TRPM3: variants seen among roughly 807,000 people sequenced by gnomAD.
TRPM3 encodes long transient receptor potential channel 3.
Under a neutral mutation model 181.2 loss-of-function variants are expected in TRPM3, and 77 were observed. The observed-to-expected ratio is 0.42, with a 90% confidence interval of 0.35 to 0.51. The LOEUF is 0.51. Among genes scored for constraint, TRPM3 ranks in the 20% least tolerant of loss-of-function variants. The pLI is 0.01. For missense variants in TRPM3, 1,759 were observed against 2,196.7 expected (o/e 0.80, Z 3.98); for synonymous variants, 745 against 796.4 (o/e 0.94, Z 1.09).
intron 1 of TRPM3, among the ~76,000 whole-genome samples, chr9:71,252,819 T>C (rs1413067630): frequency 6.7e-6 from 1 of 148,662 alleles, no homozygotes; most frequent in African/African-American, 2.5e-5. Context: ...ACCACAGGCA[T>C]GCACACCTCG....
chr9:71,403,019 T>C (rs1031975041), intron 1 of TRPM3, among the ~76,000 whole-genome samples: 3 of 152,284 alleles, frequency 2.0e-5, no homozygotes, highest in South Asian at 2.1e-4. Flanking sequence ...ATGAAAGATA[T>C]AAATAATTTC....
rs147214703 is a variant in TRPM3 at position 71,343,157 on chromosome 9, A to G, written c.183+103496T>C. Among the ~76,000 whole-genome samples the G allele has an allele frequency of 8.2e-3, 1,250 of 152,130 alleles. 21 individuals are homozygous for G. The highest frequency in any genetic ancestry group is 0.028 in the African/African-American group (1,171 of 41,540). ...GGAATGGACCCATACTTCCTTTAGT[A>G]TATTTTTTAAGTATAATTTTGACCT... On this transcript the variant is annotated intron_variant, in intron 1 of 24. Transcript: ENST00000357533.
At chr9:70,846,286 T>C (rs1171262425) in intron 4 of TRPM3, 92 bp downstream of exon 4, 1 of 1,194,076 alleles carries the variant, frequency 8.4e-7, no homozygotes, top group Non-Finnish European at 1.2e-6. Context: ...TGAAGTGGGG[T>C]GATATAGAAA....
intron 1 of TRPM3, among the ~76,000 whole-genome samples, chr9:70,927,908 C>A (rs2096736996): frequency 6.6e-6 from 1 of 152,206 alleles, no homozygotes; most frequent in African/African-American, 2.4e-5. Flanking sequence ...TTTCTAATAA[C>A]ACCTATAGGC....
chr9:70,779,356 T>C (rs1418144930), intron 7 of TRPM3, among the ~76,000 whole-genome samples: 1 of 152,194 alleles, frequency 6.6e-6, no homozygotes, highest in Non-Finnish European at 1.5e-5. Context: ...TAAATACAGA[T>C]GATTATCTCT....
At chr9:70,761,412 A>G (rs1381447896) in intron 8 of TRPM3, 189 bp downstream of exon 8, 1 of 754,406 alleles carries the variant, frequency 1.3e-6, no homozygotes, top group Admixed American at 2.0e-5. Context: ...ACACCTTATT[A>G]ACTCGAAGGC....
intron 1 of TRPM3, among the ~76,000 whole-genome samples, chr9:71,303,782 A>G (rs1314233684): frequency 6.6e-6 from 1 of 152,176 alleles, no homozygotes; most frequent in Non-Finnish European, 1.5e-5. Context: ...TAGAACATAA[A>G]GGTGTTACAT....
intron 1 of TRPM3, among the ~76,000 whole-genome samples, chr9:71,015,747 C>T (rs532887814): frequency 2.1e-4 from 32 of 152,124 alleles, no homozygotes; most frequent in East Asian, 7.7e-4. Context: ...ATAAACTCAA[C>T]GAACCAGAGT....
chr9:71,217,424 T>C (rs983749085), intron 1 of TRPM3, among the ~76,000 whole-genome samples: 4 of 152,154 alleles, frequency 2.6e-5, no homozygotes, highest in Non-Finnish European at 5.9e-5. Context: ...AAGGGATGTT[T>C]AGTGTTTGGC....
intron 1 of TRPM3, among the ~76,000 whole-genome samples, chr9:71,075,569 C>T (rs561028792): frequency 1.3e-4 from 20 of 152,194 alleles, no homozygotes; most frequent in Non-Finnish European, 2.1e-4. Context: ...TTTAAATATA[C>T]GTCTGTTGTA....
chr9:71,159,871 A>G (rs1201840537), intron 1 of TRPM3, among the ~76,000 whole-genome samples: 2 of 152,162 alleles, frequency 1.3e-5, no homozygotes, highest in African/African-American at 2.4e-5. Context: ...CAGCCCTTCT[A>G]AGGAAAACAT....
At chr9:70,700,913 A>T (rs759320718) in intron 8 of TRPM3, among the ~76,000 whole-genome samples, 12 of 152,216 alleles carry the variant, frequency 7.9e-5, no homozygotes, top group Non-Finnish European at 1.3e-4. Context: ...TTTACTGTAG[A>T]GGGCAGGTTG....
chr9:70,589,564 C>T lies in TRPM3; in HGVS notation c.3223+1467G>A, dbSNP rs549593897. Among the ~76,000 whole-genome samples the T allele has an allele frequency of 4.6e-5, 7 of 152,234 alleles. No homozygotes were observed. In the South Asian group the frequency reaches 1.5e-3, roughly 32 times the overall value. On this transcript the variant is annotated intron_variant, in intron 22 of 25. Coordinates refer to ENST00000677713, the MANE Select transcript of TRPM3 (RefSeq NM_001366145.2). The stretch of plus-strand genomic sequence containing the variant: ...TGGGTTTTTAAAAAGTGTTGTTTTG[C>T]CTTTAGGGACTGTTTGAAAGCAGGC...
intron 1 of TRPM3, among the ~76,000 whole-genome samples, chr9:71,046,145 C>T (rs1415215176): frequency 6.6e-6 from 1 of 151,952 alleles, no homozygotes; most frequent in Non-Finnish European, 1.5e-5. Context: ...CGCCCCACGC[C>T]CGGCTAATTT....
chr9:70,903,628 G>A (rs2096418196), intron 1 of TRPM3, among the ~76,000 whole-genome samples: 1 of 152,086 alleles, frequency 6.6e-6, no homozygotes, highest in Admixed American at 6.5e-5. Flanking sequence ...AAAAGGAAAT[G>A]TAAAAGCAAA....
At chr9:70,924,011 A>G (rs966816538) in intron 1 of TRPM3, among the ~76,000 whole-genome samples, 1 of 151,746 alleles carries the variant, frequency 6.6e-6, no homozygotes, top group African/African-American at 2.4e-5. Context: ...ATATATATAT[A>G]TCTTTGTGCT....
intron 1 of TRPM3, among the ~76,000 whole-genome samples, chr9:71,420,568 AGAG>A (rs1429497010): frequency 1.3e-5 from 2 of 150,906 alleles, no homozygotes; most frequent in African/African-American, 2.4e-5. Context: ...AGAAAGAAAA[AGAG>A]AAGAGAAAGA....
At chr9:70,878,936 G>A (rs558702230) in intron 1 of TRPM3, among the ~76,000 whole-genome samples, 24 of 152,134 alleles carry the variant, frequency 1.6e-4, no homozygotes, top group Non-Finnish European at 3.1e-4. Flanking sequence ...AAATCAATCA[G>A]AGGGAGTAAA....
intron 9 of TRPM3, among the ~76,000 whole-genome samples, chr9:70,647,915 C>T (rs2133734125): frequency 6.6e-6 from 1 of 152,054 alleles, no homozygotes; most frequent in African/African-American, 2.4e-5. Flanking sequence ...AGCTGAGAGA[C>T]AAATCAAGAA....
Sources: allele counts gnomAD v4.1 joint callset (sites outside exome capture counted in the v4.1 genomes callset), GRCh38; gene constraint gnomAD v4.1.1; transcripts MANE v1.5; gene names NCBI Gene and HGNC (gene_info 2026-07-23, HGNC 2026-07-21).